AFG1L: variants seen among roughly 807,000 people sequenced by gnomAD.
AFG1L encodes AFG1-like ATPase.
A neutral mutation model predicts 62.2 loss-of-function variants in AFG1L; 53 were observed. The observed-to-expected ratio is 0.85, with a 90% CI of 0.68 to 1.07. AFG1L has a LOEUF of 1.07. Ranked by LOEUF, AFG1L falls within the 50% of genes least tolerant of loss-of-function variation. The pLI is 0.00. For synonymous variants in AFG1L, 228 were observed against 210.3 expected (o/e 1.08, Z -0.73); for missense variants, 555 against 590.5 (o/e 0.94, Z 0.62).
chr6:108,488,303 G>T (rs1773645405), intron 10 of AFG1L, among the ~76,000 whole-genome samples: 1 of 152,178 alleles, frequency 6.6e-6, no homozygotes, highest in African/African-American at 2.4e-5. Flanking sequence ...ATTTAGAAGA[G>T]AAAATGAGGT....
At chr6:108,309,917 G>C (rs1296557701) in intron 1 of AFG1L, among the ~76,000 whole-genome samples, 1 of 152,158 alleles carries the variant, frequency 6.6e-6, no homozygotes, top group Non-Finnish European at 1.5e-5. Flanking sequence ...ACTTTAGCCT[G>C]TTACTGTTTC....
chr6:108,522,152 A>C, intron 12 of AFG1L, 145 bp from the exon 13 acceptor site: 2 of 596,904 alleles, frequency 3.4e-6, no homozygotes, highest in Admixed American at 6.0e-5. Context: ...AGTCTCATTT[A>C]AGAGATTGTA....
chr6:108,441,712 A>AAAAAAT (rs1401294615), intron 7 of AFG1L, among the ~76,000 whole-genome samples: 18 of 139,486 alleles, frequency 1.3e-4, no homozygotes, highest in African/African-American at 4.5e-4. Context: ...AAAAAAAAAA[A>AAAAAAT]ATATATATAT....
chr6:108,404,263 T>C (rs950576063), intron 7 of AFG1L, among the ~76,000 whole-genome samples: 1 of 152,188 alleles, frequency 6.6e-6, no homozygotes, highest in Non-Finnish European at 1.5e-5. Flanking sequence ...AAAGAAATTA[T>C]TATAAACAAG....
chr6:108,394,285 T>G lies in AFG1L; in HGVS notation c.749-7711T>G, dbSNP rs1413655208. Among the ~76,000 whole-genome samples the G allele has an allele frequency of 3.3e-5, 5 of 152,074 alleles. No individual in the cohort carries two copies. The East Asian group carries it at 9.7e-4, about 29-fold the overall frequency. On this transcript the variant is annotated intron_variant, in intron 6 of 12. Coordinates refer to ENST00000368977, the MANE Select transcript of AFG1L (RefSeq NM_145315.5). Reference sequence around the variant, plus strand: ...GCCTCAGCCTCCCAAGTAGCTGGGATTACAGGCATGTGCTACTACACCCGG... The same window carrying G: ...GCCTCAGCCTCCCAAGTAGCTGGGAGTACAGGCATGTGCTACTACACCCGG...
At chr6:108,413,245 G>A (rs968798888) in intron 7 of AFG1L, among the ~76,000 whole-genome samples, 21 of 152,010 alleles carry the variant, frequency 1.4e-4, no homozygotes, top group South Asian at 6.2e-4. Context: ...CACTCAATAC[G>A]GGAGCACCCA....
intron 2 of AFG1L, among the ~76,000 whole-genome samples, chr6:108,343,001 C>G (rs1408540777): frequency 6.6e-6 from 1 of 151,110 alleles, no homozygotes; most frequent in Non-Finnish European, 1.5e-5. Context: ...CTAAAGTGCT[C>G]TTTATAAAAT....
chr6:108,318,851 A>T (rs1406256185), intron 1 of AFG1L, among the ~76,000 whole-genome samples: 1 of 152,248 alleles, frequency 6.6e-6, no homozygotes, highest in African/African-American at 2.4e-5. Flanking sequence ...AATCAAAATA[A>T]TATGGCAGCA....
chr6:108,503,803 T>C (rs1484421795), intron 10 of AFG1L, among the ~76,000 whole-genome samples: 1 of 152,226 alleles, frequency 6.6e-6, no homozygotes, highest in Non-Finnish European at 1.5e-5. Context: ...AAATCTGTTG[T>C]TTAGTGTAGC....
intron 8 of AFG1L, among the ~76,000 whole-genome samples, chr6:108,476,611 C>G (rs1773114932): frequency 6.6e-6 from 1 of 152,194 alleles, no homozygotes; most frequent in African/African-American, 2.4e-5. Context: ...TGGATTTACT[C>G]TGCCTGTATC....
intron 11 of AFG1L, among the ~76,000 whole-genome samples, chr6:108,516,540 A>G (rs1049205509): frequency 1.3e-5 from 2 of 152,190 alleles, no homozygotes; most frequent in Non-Finnish European, 2.9e-5. Flanking sequence ...CCCACAGCCA[A>G]TATCATACTG....
At chr6:108,414,481 TA>T (rs1782268003) in intron 7 of AFG1L, among the ~76,000 whole-genome samples, 1 of 152,186 alleles carries the variant, frequency 6.6e-6, no homozygotes, top group South Asian at 2.1e-4. Context: ...AAGAGAATTT[TA>T]GACCAATATC....
At chr6:108,394,114 C>T (rs1026646050) in intron 6 of AFG1L, among the ~76,000 whole-genome samples, 3 of 142,310 alleles carry the variant, frequency 2.1e-5, no homozygotes, top group Non-Finnish European at 3.1e-5. Flanking sequence ...TTTCCTTTCC[C>T]CCTCCCCTCC....
chr6:108,346,648 G>A (rs972358276), intron 2 of AFG1L, among the ~76,000 whole-genome samples: 1 of 152,156 alleles, frequency 6.6e-6, no homozygotes, highest in South Asian at 2.1e-4. Flanking sequence ...GATTATAGGT[G>A]TGAGCCACAG....
At chr6:108,481,388 G>A (rs1484637065) in intron 10 of AFG1L, among the ~76,000 whole-genome samples, 1 of 152,128 alleles carries the variant, frequency 6.6e-6, no homozygotes, top group African/African-American at 2.4e-5. Flanking sequence ...TCAAAATGTG[G>A]TTTATAGACC....
Position 108,422,477 on chromosome 6 carries a change from C to CAAAAAAA in AFG1L, c.807+20439_807+20445dup, listed in dbSNP as rs539232525. ...ATATTTTTTTAAAATTAGTCCTCAG[C>CAAAAAAA]AAAAAAAAAAAAAAAAAAAAAAGAA... On this transcript the variant is annotated intron_variant, in intron 7 of 12. Transcript: ENST00000368977. Among the ~76,000 whole-genome samples the CAAAAAAA allele has an allele frequency of 6.0e-3, 276 of 45,742 alleles. 3 individuals carry two copies. Among genetic ancestry groups the CAAAAAAA allele is most frequent in the Non-Finnish European group, 6.8e-3 (184 of 27,046 alleles). 30.0% of individuals were successfully genotyped at this position (45,742 alleles called of 152,430 possible). A position where few individuals can be genotyped will look rare whatever the true frequency, so the allele number is the denominator to read the frequency against.
intron 5 of AFG1L, 80 bp from the exon 6 acceptor site, chr6:108,366,153 T>TA (rs545199626): frequency 2.2e-3 from 1,644 of 741,694 alleles, no homozygotes; most frequent in South Asian, 4.8e-3. Flanking sequence ...ACTTCCATCT[T>TA]AAAAAAAAAG....
At chr6:108,423,928 T>C (rs1770705650) in intron 7 of AFG1L, among the ~76,000 whole-genome samples, 1 of 152,116 alleles carries the variant, frequency 6.6e-6, no homozygotes, top group Non-Finnish European at 1.5e-5. Context: ...ACATAGTTGA[T>C]TAACTGAATA....
At chr6:108,404,164 G>A (rs1228848938) in intron 7 of AFG1L, among the ~76,000 whole-genome samples, 2 of 152,116 alleles carry the variant, frequency 1.3e-5, no homozygotes, top group Non-Finnish European at 2.9e-5. Context: ...CTTCACAGAT[G>A]CTAGTGTTAC....
Sources: gnomAD v4.1 joint callset for allele counts (sites outside exome capture counted in the v4.1 genomes callset) on GRCh38, gnomAD v4.1.1 for gene constraint, MANE v1.5 for transcripts, NCBI Gene and HGNC (gene_info 2026-07-23, HGNC 2026-07-21) for gene names.